MYO15B: variants seen among roughly 807,000 people sequenced by gnomAD.
MYO15B encodes myosin XVB.
Under a neutral mutation model 119.3 loss-of-function variants are expected in MYO15B, and 207 were observed. The observed-to-expected ratio is 1.73, with a 90% CI of 1.55 to 1.95. The LOEUF (loss-of-function observed/expected upper bound fraction) is 1.95. MYO15B is among the 30% of genes most tolerant of loss of function. MYO15B has a pLI of 0.00. For synonymous variants in MYO15B, 966 were observed against 498.9 expected, an observed-to-expected ratio of 1.94 and a Z score of -12.48; for missense variants, 2,264 against 1,203.1, an observed-to-expected ratio of 1.88 and a Z score of -13.04.
At chr17:75,609,679 C>T (rs934675159) in intron 21 of MYO15B, among the ~76,000 whole-genome samples, 2 of 148,502 alleles carry the variant, frequency 1.3e-5, no homozygotes, top group African/African-American at 5.1e-5. Context: ...TCTTTCCTTC[C>T]TTCCCTTCCT....
intron 61 of MYO15B, 88 bp from the exon 62 acceptor site, chr17:75,625,756 T>G: frequency 1.4e-6 from 1 of 701,040 alleles, no homozygotes; most frequent in South Asian, 1.5e-5. Flanking sequence ...GCCTGCCCTG[T>G]CCCTCTCAGC....
At chr17:75,602,023 G>A (rs78836632) in intron 15 of MYO15B, among the ~76,000 whole-genome samples, 8,966 of 152,086 alleles carry the variant, frequency 0.059, 296 homozygotes, top group South Asian at 0.074. Flanking sequence ...AGCTGCACGC[G>A]TGCCTACCCC....
chr17:75,610,197 G>C, exon 22 of MYO15B: 1 of 701,612 alleles, frequency 1.4e-6, no homozygotes, highest in Admixed American at 2.0e-5. Context: ...GGCAGCTTTG[G>C]GACAGCTGAA....
At chr17:75,612,059 C>G in intron 25 of MYO15B, 43 bp downstream of exon 25, 1 of 699,638 alleles carries the variant, frequency 1.4e-6, no homozygotes, top group Non-Finnish European at 2.6e-6. Flanking sequence ...CCTCACCGCT[C>G]TGAGTTAGCA....
intron 9 of MYO15B, among the ~76,000 whole-genome samples, chr17:75,593,615 GAA>G (rs1161115437): frequency 8.9e-6 from 1 of 112,992 alleles, no homozygotes; most frequent in Non-Finnish European, 1.7e-5. Flanking sequence ...CTCCGTCTCA[GAA>G]AAAAAAAAAA....
intron 21 of MYO15B, among the ~76,000 whole-genome samples, chr17:75,609,486 T>C: frequency 1.8e-5 from 1 of 56,770 alleles, no homozygotes; most frequent in Non-Finnish European, 3.2e-5. Context: ...AGGGAAATGA[T>C]TTTTTTTTTT....
At chr17:75,612,273 TG>T (rs1364104361) in intron 25 of MYO15B, among the ~76,000 whole-genome samples, 5 of 152,230 alleles carry the variant, frequency 3.3e-5, no homozygotes, top group Non-Finnish European at 4.4e-5. Context: ...ACACCTTTGT[TG>T]TACCTGCGGT....
exon 22 of MYO15B, chr17:75,610,230 C>T (rs2057934294): frequency 2.9e-6 from 2 of 701,212 alleles, no homozygotes; most frequent in Non-Finnish European, 5.2e-6. Flanking sequence ...GGTGGCCCAG[C>T]CCCTGCTCCA....
exon 63 of MYO15B, chr17:75,626,095 A>C (rs1056620286): frequency 4.3e-6 from 3 of 702,994 alleles, no homozygotes; most frequent in Non-Finnish European, 7.8e-6. Flanking sequence ...CAGAGCCTGT[A>C]CTGCCGCATT....
rs191629840 is a variant in MYO15B at position 75,603,329 on chromosome 17, C to T, written c.4016+17C>T. 234 of 702,574 alleles carry T rather than the reference C, an allele frequency of 3.3e-4. No individual in the cohort carries two copies. Among genetic ancestry groups the T allele is most frequent in the Non-Finnish European group, 5.1e-4 (196 of 384,800 alleles). The allele number at this position is 702,574 out of a possible 1,614,324, so 43.5% of individuals were successfully genotyped here. The stretch of plus-strand genomic sequence containing the variant: ...CCTGGCCAGGTGGGGCCCAGCACCT[C>T]GGGGCAGGACTGACAAGGAGGCCAC... On this transcript the variant is annotated intron_variant, in intron 19 of 63. Transcript: ENST00000645453.
At chr17:75,624,852 G>A (rs1278262292) in exon 59 of MYO15B, 12 of 702,894 alleles carry the variant, frequency 1.7e-5, no homozygotes, top group Admixed American at 6.0e-5. Flanking sequence ...CACAGCCGGC[G>A]GCTCCACTGG....
At chr17:75,590,726 T>A in intron 2 of MYO15B, 37 bp downstream of exon 2, 1 of 184,046 alleles carries the variant, frequency 5.4e-6, no homozygotes, top group Non-Finnish European at 1.1e-5. Context: ...TGGGCGGGGA[T>A]CCCCTTTTCT....
chr17:75,594,995 A>C, intron 12 of MYO15B, 23 bp downstream of exon 12: 1 of 702,342 alleles, frequency 1.4e-6, no homozygotes, highest in South Asian at 1.5e-5. Flanking sequence ...GGTGGGGCCC[A>C]GGAAAGGGGG....
Position 75,625,827 on chromosome 17 carries a change from A to T in MYO15B, c.8939-17A>T. ...CCCAGCAGTCAGATTTCCTGCCTGC[A>T]CCCTCTCCACCCGCAGAGGCCATGA... is the stretch of plus-strand genomic sequence containing the variant. On this transcript the variant is annotated splice_polypyrimidine_tract_variant and intron_variant, in intron 61 of 63. Transcript: ENST00000645453. 1 of 702,208 alleles carries T rather than the reference A, an allele frequency of 1.4e-6. No homozygotes were observed. The highest frequency in any genetic ancestry group is 2.6e-6 in the Non-Finnish European group (1 of 384,914). The allele number at this position is 702,208 out of a possible 1,614,324, so 43.5% of individuals were successfully genotyped here.
chr17:75,619,952 G>A (rs921873803), exon 47 of MYO15B: 4 of 702,762 alleles, frequency 5.7e-6, no homozygotes, highest in African/African-American at 3.5e-5. Flanking sequence ...CGAGCAGCTG[G>A]TGCTGCACAC....
intron 53 of MYO15B, among the ~76,000 whole-genome samples, chr17:75,622,883 G>A (rs1040233838): frequency 6.6e-6 from 1 of 152,134 alleles, no homozygotes; most frequent in Non-Finnish European, 1.5e-5. Flanking sequence ...AGGAGTCTGG[G>A]GTTCAAGGGA....
At position 75,603,307 on chromosome 17, in the gene MYO15B, G is replaced by C. The variant is rs2057404507; in HGVS notation, c.4011G>C (p.Leu1337=). ...TGCGTGTGCCCTTTGAGGCCTTCCTGGCCAGGTGGGGCCCAGCACCTCGGG... is the reference window on the plus strand; with the variant it reads ...TGCGTGTGCCCTTTGAGGCCTTCCTCGCCAGGTGGGGCCCAGCACCTCGGG... Residue 1337 remains leucine, a synonymous_variant, in exon 19 of 64, where the codon CTG becomes CTC. Coordinates refer to ENST00000645453, the Ensembl canonical transcript of MYO15B. The C allele has an allele frequency of 7.1e-6, 5 of 703,038 alleles. No homozygotes were observed. In the East Asian group the frequency reaches 1.3e-4, roughly 19 times the overall value. The allele number at this position is 703,038 out of a possible 1,614,324, so 43.5% of individuals were successfully genotyped here.
rs1166245694 is a variant in MYO15B at position 75,625,694 on chromosome 17, G to A, written c.8938+34G>A. The A allele has an allele frequency of 4.3e-6, 3 of 702,422 alleles. No individual in the cohort carries two copies. The South Asian group carries it at 4.4e-5, about 10-fold the overall frequency. The allele number at this position is 702,422 out of a possible 1,614,324, so 43.5% of individuals were successfully genotyped here. On this transcript the variant is annotated intron_variant, in intron 61 of 63. Coordinates refer to ENST00000645453, the Ensembl canonical transcript of MYO15B. ...GGGACTAGGGGACCGCTGGGTGGGGGCTGGAGGCCAAGAGGGAAGGAATGC... is the reference window on the plus strand; with the variant it reads ...GGGACTAGGGGACCGCTGGGTGGGGACTGGAGGCCAAGAGGGAAGGAATGC...
chr17:75,625,420 G>A, intron 60 of MYO15B, 107 bp from the exon 61 acceptor site: 3 of 666,632 alleles, frequency 4.5e-6, no homozygotes, highest in South Asian at 3.3e-5. Context: ...CATGTGTATG[G>A]ATGTCTAGTC....
Sources: allele counts gnomAD v4.1 joint callset (sites outside exome capture counted in the v4.1 genomes callset), GRCh38; gene constraint gnomAD v4.1.1; transcripts MANE v1.5; gene names NCBI Gene and HGNC (gene_info 2026-07-23, HGNC 2026-07-21).